The following ARHGAP24 variants were observed in gnomAD, a reference collection of about 807,000 sequenced individuals.
The protein encoded by ARHGAP24 is Rho GTPase activating protein 24.
Under a neutral mutation model 76.4 loss-of-function variants are expected in ARHGAP24, and 50 were observed. The ratio of observed to expected loss-of-function variants is 0.65; its 90% confidence interval spans 0.52 to 0.83. The LOEUF (loss-of-function observed/expected upper bound fraction) is 0.83. Among genes scored for constraint, ARHGAP24 ranks in the 40% least tolerant of loss-of-function variants. ARHGAP24 has a pLI of 0.00. For missense variants in ARHGAP24, 930 were observed against 914.2 expected, an observed-to-expected ratio of 1.02 and a Z score of -0.22; for synonymous variants, 345 against 323.3, an observed-to-expected ratio of 1.07 and a Z score of -0.72.
chr4:85,872,482 G>A (rs1489397034), intron 3 of ARHGAP24, among the ~76,000 whole-genome samples: 1 of 151,146 alleles, frequency 6.6e-6, no homozygotes, highest in Non-Finnish European at 1.5e-5. Flanking sequence ...TTTTAGTAGA[G>A]ACAGGGTTTC....
At chr4:85,828,565 T>G (rs1729836126) in intron 3 of ARHGAP24, among the ~76,000 whole-genome samples, 1 of 152,070 alleles carries the variant, frequency 6.6e-6, no homozygotes. Context: ...ATACGTGCTA[T>G]CTTTTGATGT....
chr4:85,988,480 A>C (rs1437301081), intron 8 of ARHGAP24, among the ~76,000 whole-genome samples: 1 of 151,778 alleles, frequency 6.6e-6, no homozygotes, highest in Non-Finnish European at 1.5e-5. Flanking sequence ...GTGTTGCAAT[A>C]TTATTTAAAA....
chr4:85,940,640 T>C (rs1344821410), intron 4 of ARHGAP24, among the ~76,000 whole-genome samples: 5 of 152,190 alleles, frequency 3.3e-5, no homozygotes, highest in African/African-American at 9.7e-5. Flanking sequence ...AAGGATCTAC[T>C]TGTTCTAAAA....
intron 3 of ARHGAP24, among the ~76,000 whole-genome samples, chr4:85,735,279 C>T (rs142505696): frequency 1.4e-4 from 21 of 152,244 alleles, no homozygotes; most frequent in African/African-American, 5.1e-4. Flanking sequence ...AAATAATAAT[C>T]TCTTAACCAC....
rs554356377 is a variant in ARHGAP24 at position 85,663,537 on chromosome 4, C to A, written c.181-58348C>A. Among the ~76,000 whole-genome samples, 1,083 of 148,578 alleles carry A rather than the reference C, an allele frequency of 7.3e-3. 15 individuals carry two copies. The highest frequency in any genetic ancestry group is 0.026 in the African/African-American group (1,032 of 39,428). Reference sequence around the variant, plus strand: ...CCTTCTCCTGCCTAATTGCCCTGGCCAGAACTTCCAACACTATGTTGAATA... The same window carrying A: ...CCTTCTCCTGCCTAATTGCCCTGGCAAGAACTTCCAACACTATGTTGAATA... On this transcript the variant is annotated intron_variant, in intron 2 of 9. Transcript: ENST00000395184.
intron 3 of ARHGAP24, among the ~76,000 whole-genome samples, chr4:85,738,365 CTTT>C (rs1184230976): frequency 4.7e-5 from 6 of 128,992 alleles, no homozygotes; most frequent in African/African-American, 1.5e-4. Context: ...TTCATTTGGG[CTTT>C]TATTATTATT....
At chr4:85,825,966 G>A (rs1198661537) in intron 3 of ARHGAP24, among the ~76,000 whole-genome samples, 1 of 152,148 alleles carries the variant, frequency 6.6e-6, no homozygotes, top group African/African-American at 2.4e-5. Flanking sequence ...CTTTAACAGT[G>A]TACAGGTTAA....
At chr4:85,998,182 T>C (rs544152040) in intron 9 of ARHGAP24, among the ~76,000 whole-genome samples, 3 of 152,218 alleles carry the variant, frequency 2.0e-5, no homozygotes, top group Non-Finnish European at 4.4e-5. Context: ...TAAAATTTCC[T>C]ATCAGTATTC....
chr4:85,753,766 T>G (rs1232850745), intron 3 of ARHGAP24, among the ~76,000 whole-genome samples: 1 of 152,216 alleles, frequency 6.6e-6, no homozygotes, highest in Non-Finnish European at 1.5e-5. Flanking sequence ...TTTCATTGAA[T>G]TTTTTAATTG....
chr4:85,903,607 T>TTA (rs1324419675), intron 3 of ARHGAP24, among the ~76,000 whole-genome samples: 4 of 152,054 alleles, frequency 2.6e-5, no homozygotes, highest in East Asian at 3.9e-4. Context: ...AAAGCATTCT[T>TTA]TATATATATA....
At chr4:85,721,648 C>G (rs1052656207) in intron 2 of ARHGAP24, among the ~76,000 whole-genome samples, 14 of 152,156 alleles carry the variant, frequency 9.2e-5, no homozygotes, top group African/African-American at 3.1e-4. Flanking sequence ...TAAGATGAAT[C>G]TAGCAGCTAA....
At chr4:85,897,731 T>C (rs932331309) in intron 3 of ARHGAP24, among the ~76,000 whole-genome samples, 6 of 152,184 alleles carry the variant, frequency 3.9e-5, no homozygotes, top group African/African-American at 1.4e-4. Flanking sequence ...TTTTTCTTTA[T>C]TTATGACATT....
At chr4:85,479,302 T>C (rs1722722435) in intron 1 of ARHGAP24, among the ~76,000 whole-genome samples, 1 of 152,234 alleles carries the variant, frequency 6.6e-6, no homozygotes, top group Admixed American at 6.5e-5. Flanking sequence ...TGTGAAATCA[T>C]CTTTTTCTTT....
chr4:85,768,728 G>A (rs541201780), intron 3 of ARHGAP24, among the ~76,000 whole-genome samples: 31 of 152,216 alleles, frequency 2.0e-4, no homozygotes, highest in African/African-American at 7.5e-4. Flanking sequence ...AGTGAGCTGA[G>A]ATCGTGCCAC....
intron 1 of ARHGAP24, among the ~76,000 whole-genome samples, chr4:85,559,047 G>T (rs1053659557): frequency 1.3e-5 from 2 of 152,148 alleles, no homozygotes; most frequent in African/African-American, 2.4e-5. Context: ...GGAAAGTGCT[G>T]GAGGGGCTCT....
chr4:85,529,560 A>G (rs985147421), intron 1 of ARHGAP24, among the ~76,000 whole-genome samples: 3 of 151,972 alleles, frequency 2.0e-5, no homozygotes, highest in Non-Finnish European at 4.4e-5. Flanking sequence ...TATTTTTGGC[A>G]GATAATTCTT....
At chr4:85,816,257 A>G (rs1729232779) in intron 3 of ARHGAP24, among the ~76,000 whole-genome samples, 1 of 152,194 alleles carries the variant, frequency 6.6e-6, no homozygotes. Flanking sequence ...TCCAGAACAT[A>G]TTCATCCTGC....
At chr4:85,591,831 G>A (rs1728123533) in intron 2 of ARHGAP24, among the ~76,000 whole-genome samples, 1 of 152,272 alleles carries the variant, frequency 6.6e-6, no homozygotes, top group Non-Finnish European at 1.5e-5. Flanking sequence ...GAGATGCTAT[G>A]TATGAAGCAC....
intron 3 of ARHGAP24, among the ~76,000 whole-genome samples, chr4:85,856,328 A>G (rs927163734): frequency 7.9e-5 from 12 of 152,314 alleles, no homozygotes; most frequent in Middle Eastern, 3.4e-3. Context: ...ATAAAAACAT[A>G]TAGATCTGAA....
Sources: gnomAD v4.1 joint callset for allele counts (sites outside exome capture counted in the v4.1 genomes callset) on GRCh38, gnomAD v4.1.1 for gene constraint, MANE v1.5 for transcripts, NCBI Gene and HGNC (gene_info 2026-07-23, HGNC 2026-07-21) for gene names.